The following FMNL2 variants were observed in gnomAD, a reference collection of about 807,000 sequenced individuals.
FMNL2 encodes the protein formin-like protein 2.
In FMNL2, 51 loss-of-function variants were observed where a neutral mutation model predicts 130.2. The ratio of observed to expected loss-of-function variants is 0.39; its 90% confidence interval spans 0.31 to 0.49. The LOEUF (loss-of-function observed/expected upper bound fraction) is 0.49. Ranked by LOEUF, FMNL2 falls within the 20% of genes least tolerant of loss-of-function variation. The pLI, the probability that FMNL2 is intolerant of heterozygous loss-of-function variation, is 0.85. For synonymous variants in FMNL2, 465 were observed against 467.1 expected (o/e 1.00, Z 0.06); for missense variants, 977 against 1,316.2 (o/e 0.74, Z 3.99).
chr2:152,426,016 A>G (rs1046904420), intron 1 of FMNL2, among the ~76,000 whole-genome samples: 1 of 152,230 alleles, frequency 6.6e-6, no homozygotes, highest in Non-Finnish European at 1.5e-5. Flanking sequence ...ATACGTTGTG[A>G]TAGATTTATG....
intron 1 of FMNL2, among the ~76,000 whole-genome samples, chr2:152,358,512 A>G (rs1682975072): frequency 6.6e-6 from 1 of 152,014 alleles, no homozygotes; most frequent in African/African-American, 2.4e-5. Flanking sequence ...TTAGCTGGGC[A>G]TGGTGGTGCA....
intron 9 of FMNL2, among the ~76,000 whole-genome samples, chr2:152,581,697 T>G (rs912788336): frequency 2.0e-5 from 3 of 152,196 alleles, no homozygotes; most frequent in Non-Finnish European, 4.4e-5. Context: ...CACAGGGTAG[T>G]GGGCAGTGTT....
chr2:152,601,671 C>CTTTTTTTTTTT (rs34914295), intron 9 of FMNL2, among the ~76,000 whole-genome samples: 3 of 103,466 alleles, frequency 2.9e-5, no homozygotes, highest in Admixed American at 2.0e-4. Context: ...TCTTTTCTTT[C>CTTTTTTTTTTT]TTTTTTTTTT....
intron 1 of FMNL2, among the ~76,000 whole-genome samples, chr2:152,411,840 G>T (rs1686306550): frequency 6.6e-6 from 1 of 152,124 alleles, no homozygotes; most frequent in Non-Finnish European, 1.5e-5. Flanking sequence ...GGTAACCTTG[G>T]TACCCTTTGG....
chr2:152,560,189 A>T (rs1695447979), intron 5 of FMNL2, among the ~76,000 whole-genome samples: 1 of 151,156 alleles, frequency 6.6e-6, no homozygotes, highest in Non-Finnish European at 1.5e-5. Context: ...TTGAGAAAGC[A>T]CAGTTACTTT....
chr2:152,607,409 T>G lies in FMNL2; in HGVS notation c.947T>G (p.Phe316Cys). Reference protein sequence around the residue: ...HFRNEDNNIDFMVASMQFINI... With the variant: ...HFRNEDNNIDCMVASMQFINI... ...AGGAATGAAGACAATAACATAGATT[T>G]TATGGTGAGTTATTTCAGTATTCAA... The change falls in exon 10 of 26, where the codon TTT becomes TGT. Residue 316 changes from phenylalanine (F) to cysteine (C), a missense_variant. Coordinates refer to ENST00000288670, the MANE Select transcript of FMNL2 (RefSeq NM_052905.4). 1 of 1,611,642 alleles carries G rather than the reference T, an allele frequency of 6.2e-7. No individual in the cohort carries two copies. Among genetic ancestry groups the G allele is most frequent in the South Asian group, 1.1e-5 (1 of 90,614 alleles).
chr2:152,534,257 C>T (rs2105457205), intron 2 of FMNL2, among the ~76,000 whole-genome samples: 1 of 152,280 alleles, frequency 6.6e-6, no homozygotes, highest in East Asian at 1.9e-4. Context: ...TGGAAAGCAG[C>T]TTCTTTAGCT....
rs1694203397 is a variant in FMNL2, at chr2:152,539,844, G to A, written c.202-2895G>A. Among the ~76,000 whole-genome samples, 4 of 152,268 alleles carry A rather than the reference G, an allele frequency of 2.6e-5. No individual in the cohort carries two copies. In the South Asian group the frequency reaches 6.2e-4, roughly 24 times the overall value. Reference sequence around the variant, plus strand: ...ATGAGTGAATGCTACTGCGTTACATGTGCTACTCCACCAAATTTTATTATT... The same window carrying A: ...ATGAGTGAATGCTACTGCGTTACATATGCTACTCCACCAAATTTTATTATT... On this transcript the variant is annotated intron_variant, in intron 2 of 25. Coordinates refer to ENST00000288670, the MANE Select transcript of FMNL2 (RefSeq NM_052905.4).
intron 1 of FMNL2, among the ~76,000 whole-genome samples, chr2:152,451,771 G>A (rs1207764459): frequency 6.6e-6 from 1 of 152,120 alleles, no homozygotes; most frequent in Non-Finnish European, 1.5e-5. Context: ...CCAGACTTTT[G>A]AGTGGAAGAA....
chr2:152,544,323 G>A (rs1376527656), intron 3 of FMNL2, among the ~76,000 whole-genome samples: 2 of 152,094 alleles, frequency 1.3e-5, no homozygotes, highest in Admixed American at 6.5e-5. Flanking sequence ...TAGGAGAATC[G>A]CTTGAACCCA....
In FMNL2 at chr2:152,451,382, T is replaced by TC. The variant is rs553555220; in HGVS notation, c.118-70560dup. Among the ~76,000 whole-genome samples, 660 of 152,202 alleles carry TC rather than the reference T, an allele frequency of 4.3e-3. 5 individuals are homozygous for TC. Among genetic ancestry groups the TC allele is most frequent in the African/African-American group, 0.015 (634 of 41,528 alleles). On this transcript the variant is annotated intron_variant, in intron 1 of 25. Transcript: ENST00000288670. ...CCAGGCTGGTCTCGAACTCCTGACC[T>TC]CGTGATCTGCCCACCTCGGCCTCCC... is the stretch of plus-strand genomic sequence containing the variant.
chr2:152,529,748 C>A (rs1314690603), intron 2 of FMNL2, among the ~76,000 whole-genome samples: 1 of 152,090 alleles, frequency 6.6e-6, no homozygotes, highest in Non-Finnish European at 1.5e-5. Context: ...CTGGCCTACC[C>A]TACAGAGATT....
In FMNL2 at chr2:152,637,632, T is replaced by A; in HGVS notation, c.2904T>A (p.Ser968=). The A allele has an allele frequency of 6.2e-7, 1 of 1,614,016 alleles. No homozygotes were observed. Among genetic ancestry groups the A allele is most frequent in the Non-Finnish European group, 8.5e-7 (1 of 1,179,874 alleles). ...FGENPKTTPP[S]VFFPVFVRFV... ...AAAACCCCAAGACAACACCACCCTC[T>A]GTCTTCTTTCCTGTCTTTGTCCGGT... The change falls in exon 23 of 26, where the codon TCT becomes TCA. Residue 968 remains serine, a synonymous_variant. Transcript: ENST00000288670.
chr2:152,389,900 C>G (rs1685006006), intron 1 of FMNL2: 2 of 1,038,296 alleles, frequency 1.9e-6, no homozygotes, highest in Non-Finnish European at 3.0e-6. Context: ...GAGAAGAGAA[C>G]CCGGGAGAAG....
At position 152,619,591 on chromosome 2, in the gene FMNL2, G is replaced by A. The variant is rs780967678; in HGVS notation, c.1710G>A (p.Pro570=). Residue 570 remains proline (P), a synonymous_variant, in exon 15 of 26, where the codon CCG becomes CCA. Coordinates refer to ENST00000288670, the MANE Select transcript of FMNL2 (RefSeq NM_052905.4). ...CTCCTCCTCCCCCACCGCCCCCTCC[G>A]CCTCCTCCTCTCCCAGGCCCTGCAG... ...PPPPPPPPPP[P]PPPLPGPAAE... is the part of the protein sequence containing the mutation. 4.3e-4 allele frequency: 203 copies of A among 476,106 alleles called. 1 individual carries two copies. Among genetic ancestry groups the A allele is most frequent in the Admixed American group, 5.4e-4 (9 of 16,784 alleles). 29.5% of individuals were successfully genotyped at this position (476,106 alleles called of 1,614,324 possible).
Position 152,611,530 on chromosome 2 carries a change from T to C in FMNL2, c.987T>C (p.His329=). The C allele has an allele frequency of 1.3e-6, 2 of 1,599,900 alleles. No individual in the cohort carries two copies. Among genetic ancestry groups the C allele is most frequent in the Non-Finnish European group, 1.7e-6 (2 of 1,172,036 alleles). ...ASMQFINIVV[H]SVEDMNFRVH... ...TGCAGTTTATTAATATTGTAGTCCA[T>C]TCAGTAGAAGATATGAATTTCAGAG... The change falls in exon 11 of 26, where the codon CAT becomes CAC. Residue 329 remains histidine (H), a synonymous_variant. Transcript: ENST00000288670.
intron 1 of FMNL2, among the ~76,000 whole-genome samples, chr2:152,412,446 T>TTATATATA (rs56681937): frequency 1.6e-4 from 16 of 103,218 alleles, no homozygotes; most frequent in East Asian, 3.4e-4. Flanking sequence ...TCTGTATATT[T>TTATATATA]TATATATATA....
At chr2:152,435,821 G>A (rs1687728246) in intron 1 of FMNL2, among the ~76,000 whole-genome samples, 1 of 152,122 alleles carries the variant, frequency 6.6e-6, no homozygotes, top group Non-Finnish European at 1.5e-5. Context: ...GTGTTTTATT[G>A]TGTGATATTT....
intron 9 of FMNL2, among the ~76,000 whole-genome samples, chr2:152,602,026 G>T (rs1698107589): frequency 6.6e-6 from 1 of 152,162 alleles, no homozygotes; most frequent in African/African-American, 2.4e-5. Context: ...TTGCTGAATG[G>T]TCCAAGCTAA....
Sources: allele counts gnomAD v4.1 joint callset (sites outside exome capture counted in the v4.1 genomes callset), GRCh38; gene constraint gnomAD v4.1.1; transcripts MANE v1.5; gene names NCBI Gene and HGNC (gene_info 2026-07-23, HGNC 2026-07-21).